FAM200B: variants seen among roughly 807,000 people sequenced by gnomAD.
FAM200B encodes the protein zinc finger BED-type containing 11, also known as protein FAM200B.
In FAM200B, 32 loss-of-function variants were observed where a neutral mutation model predicts 33.1. The ratio of observed to expected loss-of-function variants is 0.97; its 90% CI spans 0.73 to 1.30. The LOEUF (loss-of-function observed/expected upper bound fraction) is 1.30, where lower values mean the gene tolerates loss of function less well. Ranked by LOEUF, FAM200B falls within the 50% of genes most tolerant of loss-of-function variation. The pLI, the probability that FAM200B is intolerant of heterozygous loss-of-function variation, is 0.00. For synonymous variants in FAM200B, 240 were observed against 264.8 expected, an observed-to-expected ratio of 0.91 and a Z score of 0.91; for missense variants, 741 against 754.0, an observed-to-expected ratio of 0.98 and a Z score of 0.20.
the FAM200B span, among the ~76,000 whole-genome samples, chr4:15,648,852 CCT>C: frequency 6.6e-6 from 1 of 152,090 alleles, no homozygotes; most frequent in African/African-American, 2.4e-5. Flanking sequence ...GAGAGTACAT[CCT>C]CTGTGTCTTT....
the FAM200B span, chr4:15,659,957 T>G: frequency 6.6e-6 from 1 of 152,524 alleles, no homozygotes; most frequent in Non-Finnish European, 1.5e-5. Flanking sequence ...TCCTGTAAAG[T>G]GTCAGAGTTA....
chr4:15,656,240 T>G, the FAM200B span: 1 of 456,220 alleles, frequency 2.2e-6, no homozygotes, highest in South Asian at 1.5e-5. Context: ...CAGGAAAATG[T>G]CTGCCTCTTT....
chr4:15,685,354 T>TTA (rs1560261457), intron 1 of FAM200B, among the ~76,000 whole-genome samples: 1 of 152,148 alleles, frequency 6.6e-6, no homozygotes, highest in East Asian at 1.9e-4. Context: ...AGGAAAGCCT[T>TTA]TATTTGGTTT....
At chr4:15,650,661 C>CTTTTTT in the FAM200B span, among the ~76,000 whole-genome samples, 11 of 77,886 alleles carry the variant, frequency 1.4e-4, no homozygotes, top group African/African-American at 4.1e-4. Flanking sequence ...AACTGACTTT[C>CTTTTTT]TTTTTTTTTT....
the FAM200B span, among the ~76,000 whole-genome samples, chr4:15,665,715 A>G: frequency 6.6e-6 from 1 of 152,230 alleles, no homozygotes; most frequent in South Asian, 2.1e-4. Flanking sequence ...CGTTTATCTG[A>G]GAAAAGAAAC....
At chr4:15,648,472 G>C in the FAM200B span, among the ~76,000 whole-genome samples, 3 of 152,102 alleles carry the variant, frequency 2.0e-5, no homozygotes, top group Non-Finnish European at 4.4e-5. Context: ...CCAAGATATG[G>C]AGCCAACCTG....
chr4:15,650,197 C>G, the FAM200B span, among the ~76,000 whole-genome samples: 1 of 152,018 alleles, frequency 6.6e-6, no homozygotes, highest in Non-Finnish European at 1.5e-5. Context: ...CACAGGACAG[C>G]CCCCATAAAA....
At chr4:15,650,201 C>A in the FAM200B span, among the ~76,000 whole-genome samples, 7 of 152,140 alleles carry the variant, frequency 4.6e-5, no homozygotes, top group African/African-American at 1.7e-4. Flanking sequence ...GGACAGCCCC[C>A]ATAAAAAAGA....
the FAM200B span, among the ~76,000 whole-genome samples, chr4:15,667,383 C>T: frequency 6.6e-6 from 1 of 152,274 alleles, no homozygotes; most frequent in South Asian, 2.1e-4. Context: ...TACCAAGTTG[C>T]AGTACCCTCT....
At chr4:15,669,654 CA>C in the FAM200B span, among the ~76,000 whole-genome samples, 1 of 152,140 alleles carries the variant, frequency 6.6e-6, no homozygotes, top group Non-Finnish European at 1.5e-5. Flanking sequence ...GAAAATGTAA[CA>C]AAACTCTGGC....
At chr4:15,655,037 G>A in the FAM200B span, among the ~76,000 whole-genome samples, 1 of 150,962 alleles carries the variant, frequency 6.6e-6, no homozygotes, top group South Asian at 2.1e-4. Context: ...CTCGCAGCGG[G>A]CGGGCAGGCT....
At chr4:15,644,330 C>T in the FAM200B span, among the ~76,000 whole-genome samples, 2 of 152,192 alleles carry the variant, frequency 1.3e-5, no homozygotes, top group African/African-American at 4.8e-5. Flanking sequence ...CTCCCCACTG[C>T]AGTAGTTCTT....
chr4:15,637,051 A>C, the FAM200B span, among the ~76,000 whole-genome samples: 1 of 152,236 alleles, frequency 6.6e-6, no homozygotes, highest in Non-Finnish European at 1.5e-5. Flanking sequence ...AGTCAGCCAG[A>C]TTATGAGATC....
Position 15,688,144 on chromosome 4 carries a change from G to T in FAM200B, c.1167G>T (p.Leu389Phe), listed in dbSNP as rs771398535. Residue 389 changes from leucine to phenylalanine, a missense_variant, in exon 2 of 2, where the codon TTG (leucine) becomes TTT (phenylalanine). Transcript: ENST00000422728. ...TATATCATACCAAAATTCGTTGGTT[G>T]TCTCAAGGGAAAATACTAAGCAGGG... ...HLLYHTKIRW[L>F]SQGKILSRVY... is the part of the protein sequence containing the mutation. The T allele has an allele frequency of 3.2e-6, 5 of 1,551,194 alleles. No individual in the cohort carries two copies. Among genetic ancestry groups the T allele is most frequent in the South Asian group, 1.2e-5 (1 of 84,044 alleles).
chr4:15,652,068 CAAGCTACT>C, the FAM200B span, among the ~76,000 whole-genome samples: 11 of 152,268 alleles, frequency 7.2e-5, no homozygotes, highest in Admixed American at 4.6e-4. Context: ...TTCTGTAGTA[CAAGCTACT>C]ACAGAGTAGA....
Position 15,689,944 on chromosome 4 carries a change from A to G in FAM200B, c.*993A>G, listed in dbSNP as rs1347988662. 1 of 166,978 alleles carries G rather than the reference A, an allele frequency of 6.0e-6. No homozygotes were observed. Among genetic ancestry groups the G allele is most frequent in the African/African-American group, 2.4e-5 (1 of 41,408 alleles). 10.3% of individuals were successfully genotyped at this position (166,978 alleles called of 1,614,324 possible). ...GGAGTATATAATTTTTAATTATCTG[A>G]TTACTGTTATTCTTCCATAGTAGGG... On this transcript the variant is annotated 3_prime_UTR_variant, in exon 2 of 2. Coordinates refer to ENST00000422728, the MANE Select transcript of FAM200B (RefSeq NM_001145191.2).
chr4:15,637,575 G>T, the FAM200B span, among the ~76,000 whole-genome samples: 1 of 152,084 alleles, frequency 6.6e-6, no homozygotes, highest in Non-Finnish European at 1.5e-5. Context: ...TTGCTTTGAA[G>T]GAGTGGGAAA....
At chr4:15,656,208 A>T in the FAM200B span, 1 of 456,120 alleles carries the variant, frequency 2.2e-6, no homozygotes, top group Admixed American at 2.3e-5. Flanking sequence ...GGAGGTTCGG[A>T]GAGAAAACAA....
At chr4:15,644,647 G>T in the FAM200B span, 1 of 1,614,052 alleles carries the variant, frequency 6.2e-7, no homozygotes, top group Non-Finnish European at 8.5e-7. Flanking sequence ...CTTGAAAGTA[G>T]CATACAAAGA....
Sources: gnomAD v4.1 joint callset for allele counts (sites outside exome capture counted in the v4.1 genomes callset) on GRCh38, gnomAD v4.1.1 for gene constraint, MANE v1.5 for transcripts, NCBI Gene and HGNC (gene_info 2026-07-23, HGNC 2026-07-21) for gene names.